RREB1: variants seen among roughly 807,000 people sequenced by gnomAD.
RREB1 encodes ras-responsive element-binding protein 1.
In RREB1, 27 loss-of-function variants were observed where a neutral mutation model predicts 117.8. That is an observed-to-expected ratio of 0.23 (90% CI 0.17 to 0.32). The LOEUF (loss-of-function observed/expected upper bound fraction) is 0.32. RREB1 is among the 10% of genes least tolerant of loss of function. RREB1 has a pLI of 1.00. For missense variants in RREB1, 2,577 were observed against 2,378.2 expected (o/e 1.08, Z -1.74); for synonymous variants, 1,298 against 1,026.7 (o/e 1.26, Z -5.05).
At chr6:7,247,269 G>T in intron 12 of RREB1, 48 bp downstream of exon 12, 1 of 1,544,506 alleles carries the variant, frequency 6.5e-7, no homozygotes, top group South Asian at 1.2e-5. Context: ...GAGGCGAGCC[G>T]GGCACCTCTC....
At chr6:7,225,753 C>T (rs931558358) in intron 8 of RREB1, among the ~76,000 whole-genome samples, 1 of 152,140 alleles carries the variant, frequency 6.6e-6, no homozygotes, top group African/African-American at 2.4e-5. Context: ...GTGCTTCTTA[C>T]TGGCTGTGGG....
At chr6:7,109,257 C>T (rs1048004671) in intron 1 of RREB1, among the ~76,000 whole-genome samples, 6 of 152,008 alleles carry the variant, frequency 3.9e-5, no homozygotes, top group Non-Finnish European at 5.9e-5. Flanking sequence ...TGCTGCCCCC[C>T]CCGCCCCCAA....
At chr6:7,248,463 G>A in intron 12 of RREB1, 48 bp from the exon 13 acceptor site, 1 of 1,521,888 alleles carries the variant, frequency 6.6e-7, no homozygotes, top group South Asian at 1.2e-5. Context: ...GGTGCAGTGG[G>A]TACTGGTGCC....
In RREB1 at chr6:7,203,987, C is replaced by T. The variant is rs372153242; in HGVS notation, c.426-6817C>T. 1.2e-4 allele frequency among the ~76,000 whole-genome samples: 18 copies of T among 152,286 alleles called. No individual in the cohort carries two copies. In the East Asian group the frequency reaches 1.5e-3, roughly 13 times the overall value. On this transcript the variant is annotated intron_variant, in intron 6 of 12. Transcript: ENST00000379938. ...GGCCAGTGGTGGTGGCTGCAGTGTC[C>T]GGTGCATTTCACCAGGAGCATCCTG...
At position 7,165,109 on chromosome 6, in the gene RREB1, G is replaced by A. The variant is rs542679196; in HGVS notation, c.-284-11546G>A. Among the ~76,000 whole-genome samples the A allele has an allele frequency of 3.9e-5, 6 of 152,346 alleles. No individual in the cohort carries two copies. In the East Asian group the frequency reaches 5.8e-4, roughly 15 times the overall value. On this transcript the variant is annotated intron_variant, in intron 1 of 12. Transcript: ENST00000379938. The stretch of plus-strand genomic sequence containing the variant: ...CACAGAGGCACAAGGAGTGCTATCC[G>A]TTGGACTTGAAGGCTGTTAGAGTTG...
intron 6 of RREB1, 29 bp downstream of exon 6, chr6:7,189,351 G>T (rs758397472): frequency 1.3e-6 from 2 of 1,543,232 alleles, no homozygotes; most frequent in African/African-American, 1.4e-5. Flanking sequence ...TGCTTGGGGG[G>T]TTGGCTGGTA....
intron 1 of RREB1, among the ~76,000 whole-genome samples, chr6:7,111,127 C>T (rs1454934238): frequency 6.6e-5 from 10 of 152,200 alleles, no homozygotes; most frequent in African/African-American, 2.4e-4. Context: ...TAAACCTACA[C>T]GTATTAGTCC....
intron 1 of RREB1, among the ~76,000 whole-genome samples, chr6:7,115,289 C>G (rs1761342497): frequency 6.6e-6 from 1 of 151,972 alleles, no homozygotes; most frequent in Non-Finnish European, 1.5e-5. Context: ...CCAGAAATGT[C>G]TAATATAGTG....
At chr6:7,248,338 CAG>C (rs975796214) in intron 12 of RREB1, among the ~76,000 whole-genome samples, 171 bp from the exon 13 acceptor site, 3 of 152,212 alleles carry the variant, frequency 2.0e-5, no homozygotes, top group Non-Finnish European at 4.4e-5. Flanking sequence ...AACCAGCAAA[CAG>C]AGCTTGTCCG....
chr6:7,216,184 C>T (rs1392497045), intron 8 of RREB1: 6 of 152,228 alleles, frequency 3.9e-5, no homozygotes, highest in Admixed American at 1.3e-4. Context: ...AGACAGGGTA[C>T]GGGCTAGGCA....
chr6:7,130,254 C>G (rs930327177), intron 1 of RREB1, among the ~76,000 whole-genome samples: 3 of 152,234 alleles, frequency 2.0e-5, no homozygotes, highest in African/African-American at 4.8e-5. Context: ...CCTCTAAAAA[C>G]CTGCAAAGTA....
intron 11 of RREB1, 93 bp from the exon 12 acceptor site, chr6:7,246,331 T>C (rs1581598454): frequency 8.7e-7 from 1 of 1,151,976 alleles, no homozygotes; most frequent in East Asian, 2.8e-5. Context: ...TTCAGGCTGC[T>C]GGCGTGGGTC....
At chr6:7,121,102 G>A (rs1761661332) in intron 1 of RREB1, among the ~76,000 whole-genome samples, 1 of 152,100 alleles carries the variant, frequency 6.6e-6, no homozygotes, top group African/African-American at 2.4e-5. Context: ...GGGATTACAG[G>A]CGTGAGCCAC....
rs756591503 is a variant in RREB1 at position 7,246,737 on chromosome 6, G to A, written c.4287G>A (p.Leu1429=). 1 of 1,577,034 alleles carries A rather than the reference G, an allele frequency of 6.3e-7. No individual in the cohort carries two copies. Among genetic ancestry groups the A allele is most frequent in the Non-Finnish European group, 8.6e-7 (1 of 1,161,844 alleles). ...DFATKLMDFK[L]AEGDGEAGAG... ...CCACCAAGCTCATGGACTTCAAGCT[G>A]GCGGAGGGCGACGGCGAGGCAGGCG... is the stretch of plus-strand genomic sequence containing the variant. The change falls in exon 12 of 13, where the codon CTG becomes CTA. Residue 1429 remains leucine, a synonymous_variant. Coordinates refer to ENST00000379938, the MANE Select transcript of RREB1 (RefSeq NM_001003699.4).
At chr6:7,214,025 C>T (rs1236504681) in intron 8 of RREB1, 2 of 152,376 alleles carry the variant, frequency 1.3e-5, no homozygotes, top group African/African-American at 4.8e-5. Context: ...GGGTGAGGGA[C>T]GAGGTTCTCC....
At chr6:7,173,321 AC>A (rs1764320137) in intron 1 of RREB1, among the ~76,000 whole-genome samples, 1 of 151,850 alleles carries the variant, frequency 6.6e-6, no homozygotes, top group Admixed American at 6.6e-5. Flanking sequence ...GTTCGAGACC[AC>A]CCTGGCAAAC....
At chr6:7,167,315 A>AT (rs1763985643) in intron 1 of RREB1, among the ~76,000 whole-genome samples, 1 of 145,548 alleles carries the variant, frequency 6.9e-6, no homozygotes, top group Non-Finnish European at 1.5e-5. Context: ...AATTATATTT[A>AT]TTTTAAATTG....
chr6:7,179,984 TG>T (rs748460434), intron 2 of RREB1, among the ~76,000 whole-genome samples: 3 of 152,104 alleles, frequency 2.0e-5, no homozygotes, highest in Admixed American at 6.6e-5. Flanking sequence ...TTAAAGGGTC[TG>T]CTAGCATGGG....
At chr6:7,192,390 G>T (rs1359419830) in intron 6 of RREB1, among the ~76,000 whole-genome samples, 2 of 151,688 alleles carry the variant, frequency 1.3e-5, no homozygotes, top group South Asian at 4.2e-4. Flanking sequence ...ATGGGGTTTT[G>T]CTATGTTGGC....
Sources: gnomAD v4.1 joint callset for allele counts (sites outside exome capture counted in the v4.1 genomes callset) on GRCh38, gnomAD v4.1.1 for gene constraint, MANE v1.5 for transcripts, NCBI Gene and HGNC (gene_info 2026-07-23, HGNC 2026-07-21) for gene names.